The following ATRX variants were observed in gnomAD, a reference collection of about 807,000 sequenced individuals.
ATRX encodes chromatin remodeler ATRX.
Under a neutral mutation model 172.6 loss-of-function variants are expected in ATRX, and 12 were observed. The observed-to-expected ratio is 0.07, with a 90% CI of 0.04 to 0.11. The LOEUF (loss-of-function observed/expected upper bound fraction) is 0.11. ATRX is among the 10% of genes least tolerant of loss of function. The pLI is 1.00. For missense variants in ATRX, 1,368 were observed against 1,767.4 expected (o/e 0.77, Z 4.05); for synonymous variants, 674 against 594.7 (o/e 1.13, Z -1.94).
chrX:77,610,942 TAATA>T (rs1328695880), intron 22 of ATRX, among the ~76,000 whole-genome samples: 2 of 107,959 alleles, frequency 1.9e-5, no homozygotes, highest in African/African-American at 3.3e-5. Context: ...ATTAAAAAAA[TAATA>T]AATAAATAAA....
intron 15 of ATRX, among the ~76,000 whole-genome samples, chrX:77,640,035 T>C (rs1557110360): frequency 8.9e-6 from 1 of 111,861 alleles, no homozygotes; most frequent in Non-Finnish European, 1.9e-5. Flanking sequence ...TACAGCAACT[T>C]GGAGGCAGCT....
chrX:77,549,177 G>A (rs922254160), intron 30 of ATRX, among the ~76,000 whole-genome samples: 9 of 111,413 alleles, frequency 8.1e-5, no homozygotes, highest in Non-Finnish European at 1.7e-4. Context: ...TTGAGGCCAG[G>A]AGTTCGAGAC....
chrX:77,562,219 T>C (rs1393449834), intron 28 of ATRX, among the ~76,000 whole-genome samples: 3 of 112,451 alleles, frequency 2.7e-5, no homozygotes, highest in African/African-American at 6.5e-5. Context: ...AAATAACATT[T>C]GGTTGTTTCT....
intron 22 of ATRX, among the ~76,000 whole-genome samples, chrX:77,615,688 ACT>A (rs2067325797): frequency 9.0e-6 from 1 of 111,352 alleles, no homozygotes; most frequent in Non-Finnish European, 1.9e-5. Context: ...AGATTCAAAC[ACT>A]GTTTTCCCCA....
intron 1 of ATRX, among the ~76,000 whole-genome samples, chrX:77,724,419 A>G: frequency 9.3e-6 from 1 of 107,927 alleles, no homozygotes; most frequent in South Asian, 4.1e-4. Flanking sequence ...CTTTGGAGAG[A>G]GGGAGTCTCA....
chrX:77,508,293 TA>T lies in ATRX; in HGVS notation c.*57del, dbSNP rs1263405963. ...TGAGTTCTGTTAAGTCATTGATTCC[TA>T]AAAAAATAAAAGATCTTTCTATGAT... On this transcript the variant is annotated 3_prime_UTR_variant, in exon 35 of 35. Transcript: ENST00000373344. The T allele has an allele frequency of 3.4e-6, 4 of 1,178,639 alleles. No individual in the cohort carries two copies. Among genetic ancestry groups the T allele is most frequent in the Non-Finnish European group, 4.6e-6 (4 of 867,007 alleles).
chrX:77,716,323 A>AATATATATATAT (rs1292367303), intron 2 of ATRX, among the ~76,000 whole-genome samples: 25 of 21,022 alleles, frequency 1.2e-3, no homozygotes, highest in South Asian at 4.8e-3. Flanking sequence ...AAAAAAAAAA[A>AATATATATATAT]ATATATATAT....
intron 23 of ATRX, 75 bp downstream of exon 23, chrX:77,600,359 A>G (rs2066630585): frequency 1.7e-5 from 19 of 1,120,127 alleles, no homozygotes; most frequent in Non-Finnish European, 2.2e-5. Flanking sequence ...TTGAATATAC[A>G]GTCTGTAGGT....
At chrX:77,755,951 C>G (rs1247262345) in intron 1 of ATRX, among the ~76,000 whole-genome samples, 1 of 112,516 alleles carries the variant, frequency 8.9e-6, no homozygotes, top group Non-Finnish European at 1.9e-5. Context: ...GCGCCCACAG[C>G]TGCACCTTCC....
chrX:77,611,291 T>C (rs369112713), intron 22 of ATRX, among the ~76,000 whole-genome samples: 2 of 111,529 alleles, frequency 1.8e-5, no homozygotes, highest in Non-Finnish European at 3.8e-5. Context: ...AAGCATACAA[T>C]TGAAATTAAT....
intron 1 of ATRX, among the ~76,000 whole-genome samples, chrX:77,736,160 A>G (rs1557178995): frequency 1.8e-5 from 2 of 111,720 alleles, no homozygotes; most frequent in African/African-American, 6.5e-5. Flanking sequence ...GTCTGGGCAA[A>G]ATTTTCTTGA....
intron 27 of ATRX, among the ~76,000 whole-genome samples, chrX:77,587,115 C>A (rs1557077540): frequency 9.1e-6 from 1 of 110,240 alleles, no homozygotes; most frequent in African/African-American, 3.3e-5. Flanking sequence ...AAGTTATGTA[C>A]AGCCATATGA....
chrX:77,687,769 T>C (rs1557144802), intron 7 of ATRX, among the ~76,000 whole-genome samples: 1 of 112,248 alleles, frequency 8.9e-6, no homozygotes. Flanking sequence ...TTTAAGCATG[T>C]CTGAATCTAT....
chrX:77,512,196 A>G (rs1419414016), intron 34 of ATRX, among the ~76,000 whole-genome samples: 5 of 111,780 alleles, frequency 4.5e-5, no homozygotes, highest in Admixed American at 3.8e-4. Context: ...GTGAAGGAAC[A>G]AACAAACAAA....
intron 22 of ATRX, among the ~76,000 whole-genome samples, chrX:77,609,939 G>C (rs1254735881): frequency 9.0e-6 from 1 of 111,023 alleles, no homozygotes; most frequent in Non-Finnish European, 1.9e-5. Context: ...TATAGAACAG[G>C]GTGACTACAG....
intron 1 of ATRX, among the ~76,000 whole-genome samples, chrX:77,753,325 ATT>A (rs2148885517): frequency 9.0e-6 from 1 of 110,994 alleles, no homozygotes; most frequent in South Asian, 3.8e-4. Flanking sequence ...CCCCTTTATC[ATT>A]CTTTATTGTG....
At chrX:77,600,746 A>T in intron 22 of ATRX, 182 bp from the exon 23 acceptor site, 1 of 405,744 alleles carries the variant, frequency 2.5e-6, no homozygotes, top group Non-Finnish European at 4.1e-6. Flanking sequence ...GAAACCCATC[A>T]TATAGAAATT....
chrX:77,736,182 C>A (rs1216948516), intron 1 of ATRX, among the ~76,000 whole-genome samples: 1 of 111,396 alleles, frequency 9.0e-6, no homozygotes, highest in Non-Finnish European at 1.9e-5. Flanking sequence ...CAATACCCCA[C>A]AAGCACAGGT....
intron 34 of ATRX, among the ~76,000 whole-genome samples, chrX:77,519,727 C>A (rs2063166462): frequency 8.9e-6 from 1 of 111,800 alleles, no homozygotes; most frequent in African/African-American, 3.3e-5. Flanking sequence ...TTAGTACAAG[C>A]ACTATGGAGA....
Sources: gnomAD v4.1 joint callset for allele counts (sites outside exome capture counted in the v4.1 genomes callset) on GRCh38, gnomAD v4.1.1 for gene constraint, MANE v1.5 for transcripts, NCBI Gene and HGNC (gene_info 2026-07-23, HGNC 2026-07-21) for gene names.